KLF8: variants seen among roughly 807,000 people sequenced by gnomAD.
KLF8 encodes KLF transcription factor 8.
KLF8 carries 10 observed loss-of-function variants against 18.2 expected under a neutral mutation model. The observed-to-expected ratio is 0.55, with a 90% CI of 0.34 to 0.93. The LOEUF is 0.93. KLF8 is among the 40% of genes least tolerant of loss of function. The pLI is 0.02. For synonymous variants in KLF8, 109 were observed against 97.3 expected, an observed-to-expected ratio of 1.12 and a Z score of -0.71; for missense variants, 264 against 277.9, an observed-to-expected ratio of 0.95 and a Z score of 0.36.
the KLF8 span, among the ~76,000 whole-genome samples, chrX:56,015,775 A>G: frequency 8.9e-6 from 1 of 111,797 alleles, no homozygotes; most frequent in African/African-American, 3.3e-5. Flanking sequence ...GGCAGAATCA[A>G]TGGTGGTGTA....
intron 5 of KLF8, among the ~76,000 whole-genome samples, chrX:56,277,220 A>G (rs1281718925): frequency 1.8e-5 from 2 of 111,635 alleles, no homozygotes; most frequent in Non-Finnish European, 3.8e-5. Flanking sequence ...GCTTGTAGAT[A>G]TTCATTAGCG....
chrX:56,161,513 T>A, the KLF8 span, among the ~76,000 whole-genome samples: 1 of 112,109 alleles, frequency 8.9e-6, no homozygotes, highest in Non-Finnish European at 1.9e-5. Flanking sequence ...TTCATTTCAT[T>A]CATTTGATCT....
the KLF8 span, among the ~76,000 whole-genome samples, chrX:55,970,700 A>G: frequency 8.9e-6 from 1 of 111,793 alleles, no homozygotes; most frequent in African/African-American, 3.2e-5. Context: ...TACAATGGGT[A>G]AATTCAGCAA....
chrX:56,000,852 C>T, the KLF8 span, among the ~76,000 whole-genome samples: 1 of 111,136 alleles, frequency 9.0e-6, no homozygotes, highest in Non-Finnish European at 1.9e-5. Context: ...TAAAAAAAGA[C>T]ATTGTTTCCT....
At chrX:56,094,644 G>C in the KLF8 span, among the ~76,000 whole-genome samples, 2 of 110,858 alleles carry the variant, frequency 1.8e-5, no homozygotes. Flanking sequence ...CTTTTTCCAA[G>C]ACCAGAGCAC....
the KLF8 span, chrX:56,014,731 C>G: frequency 1.2e-4 from 13 of 110,396 alleles, no homozygotes; most frequent in African/African-American, 4.3e-4. Flanking sequence ...TCAACACACA[C>G]GCCCATCAGT....
chrX:56,108,060 C>T, the KLF8 span, among the ~76,000 whole-genome samples: 1 of 111,973 alleles, frequency 8.9e-6, no homozygotes, highest in Admixed American at 9.5e-5. Context: ...TGGCTTGTAT[C>T]ATGAAAATTT....
chrX:56,108,906 G>A, the KLF8 span, among the ~76,000 whole-genome samples: 2 of 110,945 alleles, frequency 1.8e-5, no homozygotes, highest in Non-Finnish European at 3.8e-5. Flanking sequence ...ATTTTCTTTG[G>A]GCTATTCTCT....
the KLF8 span, among the ~76,000 whole-genome samples, chrX:56,048,186 G>C: frequency 9.0e-6 from 1 of 111,452 alleles, no homozygotes; most frequent in Admixed American, 9.5e-5. Flanking sequence ...CAGATGAGTA[G>C]ATTGCAAAAA....
chrX:56,039,510 A>C, the KLF8 span, among the ~76,000 whole-genome samples: 1 of 111,997 alleles, frequency 8.9e-6, no homozygotes, highest in East Asian at 2.8e-4. Flanking sequence ...GCCAAAGATC[A>C]GATGGGTATA....
chrX:56,147,888 G>A, the KLF8 span, among the ~76,000 whole-genome samples: 13,949 of 111,567 alleles, frequency 0.13, 1,589 homozygotes, highest in African/African-American at 0.37. Flanking sequence ...TGAGTCACAA[G>A]AATTGCTTGA....
chrX:56,106,959 T>A, the KLF8 span, among the ~76,000 whole-genome samples: 2 of 112,350 alleles, frequency 1.8e-5, no homozygotes, highest in Non-Finnish European at 3.8e-5. Flanking sequence ...GTTTTCTTTC[T>A]AACGGTCAGG....
chrX:56,041,721 C>T, the KLF8 span, among the ~76,000 whole-genome samples: 1 of 107,935 alleles, frequency 9.3e-6, no homozygotes, highest in African/African-American at 3.5e-5. Flanking sequence ...GATCGAGTCT[C>T]ACTCTGTTAC....
At chrX:55,925,746 T>A in the KLF8 span, among the ~76,000 whole-genome samples, 1 of 111,703 alleles carries the variant, frequency 9.0e-6, no homozygotes. Context: ...AGATGAAATT[T>A]TATCAAGGGC....
rs748821453 is a variant in KLF8, at chrX:56,283,252, G to GC, written c.899-1055dup. The stretch of plus-strand genomic sequence containing the variant: ...ATTTCAAAAAGTTTGACCTGACACT[G>GC]CCCCCCATGCCATTACATGCCCTTG... On this transcript the variant is annotated intron_variant, in intron 5 of 5. Coordinates refer to ENST00000468660, the MANE Select transcript of KLF8 (RefSeq NM_007250.5). Among the ~76,000 whole-genome samples, 14 of 111,944 alleles carry GC rather than the reference G, an allele frequency of 1.3e-4. No individual in the cohort carries two copies. The East Asian group carries it at 3.4e-3, about 27-fold the overall frequency.
chrX:55,915,980 A>G, the KLF8 span, among the ~76,000 whole-genome samples: 1 of 111,926 alleles, frequency 8.9e-6, no homozygotes, highest in South Asian at 3.7e-4. Flanking sequence ...CCTAGTGAGC[A>G]AGAGATAGCT....
At chrX:56,218,027 T>C in the KLF8 span, among the ~76,000 whole-genome samples, 1 of 110,684 alleles carries the variant, frequency 9.0e-6, no homozygotes, top group South Asian at 3.8e-4. Flanking sequence ...TGAGCAGCCA[T>C]TGCATCAGTA....
the KLF8 span, among the ~76,000 whole-genome samples, chrX:55,988,620 T>A: frequency 1.8e-5 from 2 of 111,837 alleles, no homozygotes; most frequent in Non-Finnish European, 3.8e-5. Context: ...TAGTATAGTT[T>A]GAAGTCAGGT....
chrX:55,923,917 G>A, the KLF8 span, among the ~76,000 whole-genome samples: 1 of 110,887 alleles, frequency 9.0e-6, no homozygotes, highest in Non-Finnish European at 1.9e-5. Flanking sequence ...CCTGCCACAA[G>A]ACTTTTGCCT....
Sources: allele counts gnomAD v4.1 joint callset (sites outside exome capture counted in the v4.1 genomes callset), GRCh38; gene constraint gnomAD v4.1.1; transcripts MANE v1.5; gene names NCBI Gene and HGNC (gene_info 2026-07-23, HGNC 2026-07-21).